LRRC37A2: variants seen among roughly 807,000 people sequenced by gnomAD.
The protein encoded by LRRC37A2 is leucine-rich repeat-containing protein 37A2.
In LRRC37A2, 9 loss-of-function variants were observed where a neutral mutation model predicts 68.8. That is an observed-to-expected ratio of 0.13 (90% CI 0.08 to 0.23). The LOEUF is 0.23. Among genes scored for constraint, LRRC37A2 ranks in the 10% least tolerant of loss-of-function variants. The probability of loss-of-function intolerance (pLI) is 1.00; values close to 1 mark genes in which losing one functional copy is unlikely to be tolerated. For synonymous variants in LRRC37A2, 63 were observed against 367.6 expected (o/e 0.17, Z 9.48); for missense variants, 168 against 950.4 (o/e 0.18, Z 10.82).
At chr17:46,495,028 ACTT>A in the LRRC37A2 span, among the ~76,000 whole-genome samples, 3 of 148,872 alleles carry the variant, frequency 2.0e-5, no homozygotes, top group African/African-American at 7.7e-5. Context: ...CATGAAATCA[ACTT>A]CTTAATCTCT....
chr17:46,978,669 G>T, the LRRC37A2 span: 1 of 1,608,802 alleles, frequency 6.2e-7, no homozygotes, highest in Non-Finnish European at 8.5e-7. Flanking sequence ...GGATGGCTGC[G>T]CCCACGTCCT....
chr17:47,020,354 G>GC, the LRRC37A2 span, among the ~76,000 whole-genome samples: 1 of 149,014 alleles, frequency 6.7e-6, no homozygotes, highest in Non-Finnish European at 1.5e-5. Context: ...AGGAGAGTTG[G>GC]CTGTTCACAT....
chr17:46,844,685 A>G, the LRRC37A2 span, among the ~76,000 whole-genome samples: 2 of 152,218 alleles, frequency 1.3e-5, no homozygotes, highest in African/African-American at 4.8e-5. Context: ...AGATGAAAAC[A>G]AACTAAAAGA....
chr17:46,788,076 GC>G, the LRRC37A2 span, among the ~76,000 whole-genome samples: 2 of 152,122 alleles, frequency 1.3e-5, no homozygotes, highest in Non-Finnish European at 2.9e-5. Context: ...GAATAGGTGT[GC>G]TGAGGGGAAG....
chr17:46,985,181 T>C, the LRRC37A2 span, among the ~76,000 whole-genome samples: 7 of 152,156 alleles, frequency 4.6e-5, no homozygotes, highest in Non-Finnish European at 7.4e-5. Context: ...CCTAAGAGAC[T>C]TCGAGGTTGG....
the LRRC37A2 span, chr17:46,940,238 C>G: frequency 7.0e-7 from 1 of 1,421,020 alleles, no homozygotes; most frequent in Non-Finnish European, 9.2e-7. Flanking sequence ...TTCCTGGATG[C>G]TAATTTCACA....
chr17:47,018,562 G>A, the LRRC37A2 span: 1 of 1,520,266 alleles, frequency 6.6e-7, no homozygotes, highest in Non-Finnish European at 9.1e-7. Flanking sequence ...ATCCAGCACG[G>A]GGGCCCACAT....
chr17:46,794,694 A>G, the LRRC37A2 span, among the ~76,000 whole-genome samples: 5 of 150,926 alleles, frequency 3.3e-5, no homozygotes, highest in African/African-American at 1.2e-4. Flanking sequence ...GGTCAGGAAG[A>G]TCTCGACCTC....
At chr17:46,880,889 A>C in the LRRC37A2 span, among the ~76,000 whole-genome samples, 1 of 152,202 alleles carries the variant, frequency 6.6e-6, no homozygotes, top group African/African-American at 2.4e-5. Context: ...GCATTTCTGG[A>C]GCCCTCATGC....
At chr17:46,728,810 T>C in the LRRC37A2 span, 1 of 1,338,994 alleles carries the variant, frequency 7.5e-7, no homozygotes. Flanking sequence ...TTGGAATATG[T>C]ACATGTGTAT....
chr17:46,945,763 G>T, the LRRC37A2 span, among the ~76,000 whole-genome samples: 1 of 152,170 alleles, frequency 6.6e-6, no homozygotes, highest in East Asian at 1.9e-4. Flanking sequence ...TGAGGCAGAA[G>T]CTCAGGGAGT....
chr17:46,781,621 A>G, the LRRC37A2 span, among the ~76,000 whole-genome samples: 1 of 152,202 alleles, frequency 6.6e-6, no homozygotes, highest in Non-Finnish European at 1.5e-5. Context: ...ACTGCTTAAT[A>G]AGTACAGAGT....
At chr17:46,862,845 G>C in the LRRC37A2 span, among the ~76,000 whole-genome samples, 1 of 152,162 alleles carries the variant, frequency 6.6e-6, no homozygotes, top group Non-Finnish European at 1.5e-5. Flanking sequence ...CGGCCTCCCA[G>C]AGTGCTGGGA....
the LRRC37A2 span, among the ~76,000 whole-genome samples, chr17:46,771,845 G>C: frequency 3.5e-5 from 5 of 143,690 alleles, no homozygotes; most frequent in East Asian, 4.1e-4. Context: ...GGCGGTGCTC[G>C]GGCGCTTTTC....
the LRRC37A2 span, among the ~76,000 whole-genome samples, chr17:46,828,706 C>T: frequency 6.6e-6 from 1 of 151,780 alleles, no homozygotes; most frequent in Non-Finnish European, 1.5e-5. Context: ...GCCTGTATTT[C>T]CAGCACTTTG....
the LRRC37A2 span, among the ~76,000 whole-genome samples, chr17:46,708,545 G>T: frequency 2.9e-4 from 41 of 140,202 alleles, 1 homozygote; most frequent in Admixed American, 8.9e-4. Flanking sequence ...AGGCTGGAGT[G>T]CAGTGGCACA....
At chr17:46,928,118 G>A in the LRRC37A2 span, among the ~76,000 whole-genome samples, 1 of 152,042 alleles carries the variant, frequency 6.6e-6, no homozygotes, top group Non-Finnish European at 1.5e-5. Context: ...CTTACTTTCC[G>A]GAAGCAACGG....
chr17:46,838,583 C>G, the LRRC37A2 span, among the ~76,000 whole-genome samples: 1 of 151,868 alleles, frequency 6.6e-6, no homozygotes, highest in African/African-American at 2.4e-5. Flanking sequence ...GCCATGATGG[C>G]GCCACTGCAC....
the LRRC37A2 span, among the ~76,000 whole-genome samples, chr17:46,859,330 C>T: frequency 1.3e-5 from 2 of 152,152 alleles, no homozygotes; most frequent in African/African-American, 4.8e-5. Flanking sequence ...CTAGTGTGTA[C>T]AGCATGGAGT....
Sources: allele counts gnomAD v4.1 joint callset (sites outside exome capture counted in the v4.1 genomes callset), GRCh38; gene constraint gnomAD v4.1.1; transcripts MANE v1.5; gene names NCBI Gene and HGNC (gene_info 2026-07-23, HGNC 2026-07-21).